MROH2A: variants seen among roughly 807,000 people sequenced by gnomAD.
MROH2A encodes maestro heat-like repeat-containing protein family member 2A.
A neutral mutation model predicts 200.4 loss-of-function variants in MROH2A; 174 were observed. That is an observed-to-expected ratio of 0.87 (90% CI 0.77 to 0.98). The LOEUF is 0.98. Ranked by LOEUF, MROH2A falls within the 50% of genes least tolerant of loss-of-function variation. The probability of loss-of-function intolerance (pLI) is 0.00; values close to 1 mark genes in which losing one functional copy is unlikely to be tolerated. For missense variants in MROH2A, 2,045 were observed against 2,139.6 expected (o/e 0.96, Z 0.87); for synonymous variants, 829 against 840.4 (o/e 0.99, Z 0.23).
At chr2:233,817,254 G>A (rs866736257) in intron 27 of MROH2A, among the ~76,000 whole-genome samples, 1 of 152,204 alleles carries the variant, frequency 6.6e-6, no homozygotes, top group African/African-American at 2.4e-5. Flanking sequence ...CCCTTAAAAT[G>A]TCTAGAACGA....
intron 16 of MROH2A, 26 bp downstream of exon 16, chr2:233,803,514 C>A (rs751804104): frequency 6.5e-7 from 1 of 1,549,698 alleles, no homozygotes; most frequent in East Asian, 2.4e-5. Flanking sequence ...GCACCATGCC[C>A]TGGCCTGGCA....
At chr2:233,827,276 G>C (rs968031051) in intron 35 of MROH2A, among the ~76,000 whole-genome samples, 2 of 152,128 alleles carry the variant, frequency 1.3e-5, no homozygotes. Flanking sequence ...GCATGTGTAT[G>C]TTCATTGTAG....
intron 3 of MROH2A, among the ~76,000 whole-genome samples, chr2:233,781,295 T>A (rs1700945386): frequency 6.6e-6 from 1 of 152,234 alleles, no homozygotes; most frequent in Non-Finnish European, 1.5e-5. Context: ...AGTTTTACTT[T>A]TTTTGAGAAA....
Position 233,799,158 on chromosome 2 carries a change from C to T in MROH2A, c.1329+308C>T, listed in dbSNP as rs576863421. ...GTCAAGGGTTTTGTGAGGTCTTTATCGCATGTGAAAAAAGCAACTAAGGGG... is the reference window on the plus strand; with the variant it reads ...GTCAAGGGTTTTGTGAGGTCTTTATTGCATGTGAAAAAAGCAACTAAGGGG... On this transcript the variant is annotated intron_variant, in intron 12 of 41. Coordinates refer to ENST00000389758, the MANE Select transcript of MROH2A (RefSeq NM_001394639.1). Among the ~76,000 whole-genome samples the T allele has an allele frequency of 6.6e-5, 10 of 152,180 alleles. No individual in the cohort carries two copies. The East Asian group carries it at 7.7e-4, about 12-fold the overall frequency.
In MROH2A at chr2:233,822,349, C is replaced by T; in HGVS notation, c.3673-14C>T. The T allele has an allele frequency of 6.5e-7, 1 of 1,549,690 alleles. No homozygotes were observed. The highest frequency in any genetic ancestry group is 8.7e-7 in the Non-Finnish European group (1 of 1,146,220). ...CTGGGTAGGAGCCCGATGCCCTGGA[C>T]CTTCTCTCTGCAGACCCTGTGCACC... On this transcript the variant is annotated splice_polypyrimidine_tract_variant and intron_variant, in intron 32 of 41. Coordinates refer to ENST00000389758, the MANE Select transcript of MROH2A (RefSeq NM_001394639.1).
In MROH2A at chr2:233,828,324, A is replaced by T. The variant is rs1241558247; in HGVS notation, c.4114-306A>T. Among the ~76,000 whole-genome samples the T allele has an allele frequency of 6.6e-6, 1 of 152,240 alleles. No homozygotes were observed. ...TTTTTGTGCCTTTCTGTTCAGATGC[A>T]GGTGGGCGTGGCTCTTGCATTTGGC... On this transcript the variant is annotated intron_variant, in intron 35 of 41. Transcript: ENST00000389758. This position sits in a 1 kb window ranked among gnomAD's most constrained non-coding sequence, Gnocchi z 4.6.
At chr2:233,787,422 C>T (rs1289871387) in intron 3 of MROH2A, among the ~76,000 whole-genome samples, 5 of 123,872 alleles carry the variant, frequency 4.0e-5, no homozygotes, top group African/African-American at 1.5e-4. Flanking sequence ...CACACACACA[C>T]ACACACACAT....
Position 233,820,074 on chromosome 2 carries a change from G to A in MROH2A, c.3512+18G>A, listed in dbSNP as rs1559476763. 7.4e-6 allele frequency: 11 copies of A among 1,494,192 alleles called. No homozygotes were observed. The highest frequency in any genetic ancestry group is 9.9e-6 in the Non-Finnish European group (11 of 1,113,674). 92.6% of individuals were successfully genotyped at this position (1,494,192 alleles called of 1,614,324 possible). On this transcript the variant is annotated intron_variant, in intron 31 of 41. Transcript: ENST00000389758. This position sits in a 1 kb window ranked among gnomAD's most constrained non-coding sequence, Gnocchi z 4.1. ...ATGGAGAGGTGGGTGCCCTGGAGGA[G>A]GTGGCCCCGGCCTCCTGTGCCATTT...
intron 21 of MROH2A, among the ~76,000 whole-genome samples, chr2:233,808,402 C>T (rs1702941647): frequency 6.6e-6 from 1 of 152,232 alleles, no homozygotes; most frequent in Admixed American, 6.5e-5. Flanking sequence ...GAGGCTGCCC[C>T]TCCCTGCCAC....
upstream of MROH2A, among the ~76,000 whole-genome samples, chr2:233,777,950 C>T (rs1453735025): frequency 6.6e-6 from 1 of 152,146 alleles, no homozygotes; most frequent in Admixed American, 6.5e-5. Context: ...TCTTATCCTG[C>T]AAGTCATCCA....
intron 6 of MROH2A, 61 bp downstream of exon 6, chr2:233,792,955 G>A (rs1204628376): frequency 6.7e-7 from 1 of 1,490,118 alleles, no homozygotes; most frequent in African/African-American, 1.4e-5. Context: ...GGAGACTGCT[G>A]GGTAAGGAGC....
In MROH2A at chr2:233,802,358, G is replaced by A. The variant is rs756204786; in HGVS notation, c.1708+43G>A. The A allele has an allele frequency of 2.0e-6, 3 of 1,520,078 alleles. No homozygotes were observed. The African/African-American group carries it at 4.1e-5, about 21-fold the overall frequency. 94.2% of individuals were successfully genotyped at this position (1,520,078 alleles called of 1,614,324 possible). A position where few individuals can be genotyped will look rare whatever the true frequency, so the allele number is the denominator to read the frequency against. ...CCAGCTGATTGGATTGGGCAGGTGG[G>A]CTGGCTCCTTGTCTGGGAATGCCCA... On this transcript the variant is annotated intron_variant, in intron 15 of 41. Transcript: ENST00000389758.
intron 41 of MROH2A, among the ~76,000 whole-genome samples, 179 bp from the exon 42 acceptor site, chr2:233,832,959 G>A (rs1363259492): frequency 1.3e-5 from 2 of 152,240 alleles, no homozygotes; most frequent in Admixed American, 1.3e-4. Context: ...GAAGCCCTGA[G>A]AGCTATGATG....
intron 35 of MROH2A, among the ~76,000 whole-genome samples, chr2:233,824,764 T>A (rs1704190986): frequency 6.6e-6 from 1 of 152,254 alleles, no homozygotes; most frequent in Non-Finnish European, 1.5e-5. Context: ...AGGTAAGTGC[T>A]CATTAAATGC....
At chr2:233,811,000 A>T in intron 23 of MROH2A, 84 bp downstream of exon 23, 5 of 1,473,422 alleles carry the variant, frequency 3.4e-6, no homozygotes, top group Non-Finnish European at 4.6e-6. Flanking sequence ...AAAGTTCCTG[A>T]GGGCATCTGC....
rs1305908877 is a variant in MROH2A, at chr2:233,813,797, C to T, written c.2760+19C>T. ...CATTAAGGTAGGTCCCTCTGGGATG[C>T]CTCATTTGCTGGGTCAGGACCTGGG... On this transcript the variant is annotated intron_variant, in intron 25 of 41. Coordinates refer to ENST00000389758, the MANE Select transcript of MROH2A (RefSeq NM_001394639.1). 7.1e-7 allele frequency: 1 copy of T among 1,415,386 alleles called. No homozygotes were observed. The highest frequency in any genetic ancestry group is 1.4e-5 in the African/African-American group (1 of 70,300). 87.7% of individuals were successfully genotyped at this position (1,415,386 alleles called of 1,614,324 possible).
chr2:233,810,041 A>C (rs961175082), intron 22 of MROH2A, among the ~76,000 whole-genome samples: 3 of 152,118 alleles, frequency 2.0e-5, no homozygotes, highest in Non-Finnish European at 4.4e-5. Flanking sequence ...ATTTATCATA[A>C]TGTTCTCAAG....
Position 233,818,880 on chromosome 2 carries a change from G to T in MROH2A, c.3204+110G>T, listed in dbSNP as rs573103453. The T allele has an allele frequency of 2.7e-4, 182 of 674,702 alleles. 1 individual carries two copies. In the African/African-American group the frequency reaches 3.0e-3, roughly 11 times the overall value. 41.8% of individuals were successfully genotyped at this position (674,702 alleles called of 1,614,324 possible). ...GGCCTCACAGCCCAAGTTTTCTGGG[G>T]TCTCAGCTTCCACGGCCTTTGGCCC... On this transcript the variant is annotated intron_variant, in intron 29 of 41. Transcript: ENST00000389758.
chr2:233,796,979 A>G (rs1702155154), intron 11 of MROH2A, among the ~76,000 whole-genome samples: 2 of 152,262 alleles, frequency 1.3e-5, no homozygotes, highest in African/African-American at 4.8e-5. Context: ...CAATGAATAG[A>G]GATGATAATG....
Sources: gnomAD v4.1 joint callset for allele counts (sites outside exome capture counted in the v4.1 genomes callset) on GRCh38, gnomAD v4.1.1 for gene constraint, Gnocchi (gnomAD v3.1) non-coding constraint, MANE v1.5 for transcripts, NCBI Gene and HGNC (gene_info 2026-07-23, HGNC 2026-07-21) for gene names.